The following ACOT7 variants were observed in gnomAD, a reference collection of about 807,000 sequenced individuals.
ACOT7 encodes acyl-CoA thioesterase 7, also known as cytosolic acyl coenzyme A thioester hydrolase.
In ACOT7, 12 loss-of-function variants were observed where a neutral mutation model predicts 40.2. The observed-to-expected ratio is 0.30, with a 90% CI of 0.19 to 0.48. ACOT7 has a LOEUF of 0.48. Among genes scored for constraint, ACOT7 ranks in the 20% least tolerant of loss-of-function variants. The pLI is 0.99. For synonymous variants in ACOT7, 228 were observed against 219.5 expected (o/e 1.04, Z -0.34); for missense variants, 395 against 530.8 (o/e 0.74, Z 2.51).
At chr1:6,345,696 T>C (rs1346869803) in intron 2 of ACOT7, among the ~76,000 whole-genome samples, 2 of 152,202 alleles carry the variant, frequency 1.3e-5, no homozygotes, top group Non-Finnish European at 2.9e-5. Flanking sequence ...CCGGCCGTCT[T>C]CTGGCTGACG....
chr1:6,380,586 CAAA>C (rs58196406), intron 1 of ACOT7, among the ~76,000 whole-genome samples: 6 of 85,324 alleles, frequency 7.0e-5, no homozygotes, highest in Non-Finnish European at 8.1e-5. Context: ...AAGACCGTCT[CAAA>C]AAAAAAAAAA....
At chr1:6,370,293 G>A (rs990210346) in intron 1 of ACOT7, among the ~76,000 whole-genome samples, 1 of 152,028 alleles carries the variant, frequency 6.6e-6, no homozygotes, top group African/African-American at 2.4e-5. Context: ...GCAGAACCAT[G>A]AGCCAAATAA....
intron 7 of ACOT7, among the ~76,000 whole-genome samples, chr1:6,291,650 CAAT>C (rs1639666482): frequency 6.6e-6 from 1 of 152,210 alleles, no homozygotes; most frequent in Admixed American, 6.5e-5. Context: ...GGATAGTCCA[CAAT>C]AATGTGTGCC....
At chr1:6,389,931 G>A (rs1018616265) in intron 1 of ACOT7, among the ~76,000 whole-genome samples, 4 of 152,118 alleles carry the variant, frequency 2.6e-5, no homozygotes, top group African/African-American at 9.7e-5. Flanking sequence ...TTTTCCACAC[G>A]TTTCCCTCCT....
At chr1:6,349,256 A>G (rs926958215) in intron 2 of ACOT7, among the ~76,000 whole-genome samples, 5 of 152,198 alleles carry the variant, frequency 3.3e-5, no homozygotes, top group African/African-American at 1.2e-4. Flanking sequence ...TTGTGGGCAC[A>G]GTGGTACCAG....
At chr1:6,357,298 G>T (rs568435812) in intron 1 of ACOT7, among the ~76,000 whole-genome samples, 6 of 152,220 alleles carry the variant, frequency 3.9e-5, no homozygotes, top group South Asian at 2.1e-4. Flanking sequence ...AGGGTAACCA[G>T]GGGTAGGTGA....
intron 1 of ACOT7, among the ~76,000 whole-genome samples, chr1:6,388,266 C>T (rs1272284434): frequency 6.6e-6 from 1 of 151,976 alleles, no homozygotes; most frequent in Non-Finnish European, 1.5e-5. Flanking sequence ...CACACCGCCA[C>T]GCCCGCCTAA....
intron 1 of ACOT7, among the ~76,000 whole-genome samples, chr1:6,390,882 G>T (rs1022899908): frequency 3.3e-5 from 5 of 152,162 alleles, no homozygotes; most frequent in African/African-American, 1.2e-4. Context: ...GTTGCAGTGA[G>T]CTGAGATCGT....
chr1:6,374,790 CA>C (rs1642195150), intron 1 of ACOT7, among the ~76,000 whole-genome samples: 1 of 152,194 alleles, frequency 6.6e-6, no homozygotes, highest in Admixed American at 6.5e-5. Context: ...TAACCTAGGA[CA>C]AACCCCGGCA....
intron 4 of ACOT7, among the ~76,000 whole-genome samples, chr1:6,331,455 G>C (rs776449266): frequency 6.6e-6 from 1 of 152,256 alleles, no homozygotes; most frequent in Non-Finnish European, 1.5e-5. Flanking sequence ...CTCGCCTGGG[G>C]CCAATGGAGG....
At chr1:6,333,601 C>G in intron 3 of ACOT7, 33 bp from the exon 4 acceptor site, 1 of 1,609,298 alleles carries the variant, frequency 6.2e-7, no homozygotes, top group East Asian at 2.2e-5. Flanking sequence ...AAGTGACGCC[C>G]GGGAGACGGG....
chr1:6,350,289 T>C (rs1264719877), intron 1 of ACOT7, among the ~76,000 whole-genome samples: 1 of 151,020 alleles, frequency 6.6e-6, no homozygotes, highest in Non-Finnish European at 1.5e-5. Flanking sequence ...CCGTCAGGAG[T>C]CCCAGAGAAG....
intron 6 of ACOT7, among the ~76,000 whole-genome samples, chr1:6,310,226 C>T (rs962328898): frequency 1.3e-5 from 2 of 152,152 alleles, no homozygotes; most frequent in African/African-American, 4.8e-5. Context: ...GGTGAGCTCA[C>T]GGGAGAAAAG....
At chr1:6,353,953 C>T (rs552981812) in intron 1 of ACOT7, among the ~76,000 whole-genome samples, 2 of 152,306 alleles carry the variant, frequency 1.3e-5, no homozygotes, top group South Asian at 4.1e-4. Flanking sequence ...CTATCTTCTG[C>T]CTGCCGGGTC....
rs138497994 is a variant in ACOT7 at position 6,313,307 on chromosome 1, A to G, written c.712+5185T>C. Among the ~76,000 whole-genome samples the G allele has an allele frequency of 1.1e-3, 174 of 152,326 alleles. 1 individual carries two copies. Among genetic ancestry groups the G allele is most frequent in the African/African-American group, 3.9e-3 (164 of 41,564 alleles). On this transcript the variant is annotated intron_variant, in intron 6 of 8. Coordinates refer to ENST00000361521, the MANE Select transcript of ACOT7 (RefSeq NM_007274.4). ...CTGAAGGCTGGAATGGGGAGGGAAG[A>G]TCAGGCCAGCAGACAGGCAGAGGTT...
intron 1 of ACOT7, among the ~76,000 whole-genome samples, chr1:6,361,443 G>A (rs552154702): frequency 7.2e-5 from 11 of 152,218 alleles, no homozygotes; most frequent in Admixed American, 2.6e-4. Context: ...TAAGGTTCAC[G>A]CAGAATTGTA....
At chr1:6,318,353 G>A (rs1640553253) in intron 6 of ACOT7, 139 bp downstream of exon 6, 1 of 906,830 alleles carries the variant, frequency 1.1e-6, no homozygotes, top group Non-Finnish European at 1.7e-6. Context: ...ACTGCACCTG[G>A]CCTATTGTAC....
In ACOT7 at chr1:6,358,106, T is replaced by G. The variant is rs1282956040; in HGVS notation, c.144-8240A>C. On this transcript the variant is annotated intron_variant, in intron 1 of 8. Coordinates refer to ENST00000361521, the MANE Select transcript of ACOT7 (RefSeq NM_007274.4). This position sits in a 1 kb window ranked among gnomAD's most constrained non-coding sequence, Gnocchi z 4.1. ...CTGGTCTCAAACTCCTGACCTCAGT[T>G]GATCCACCTGCCTCGGCCTCCCAAA... Among the ~76,000 whole-genome samples the G allele has an allele frequency of 6.6e-5, 10 of 152,058 alleles. No individual in the cohort carries two copies. The South Asian group carries it at 1.0e-3, about 16-fold the overall frequency.
In ACOT7 at chr1:6,333,129, G is replaced by A. The variant is rs145833656; in HGVS notation, c.510+348C>T. Among the ~76,000 whole-genome samples the A allele has an allele frequency of 2.7e-3, 414 of 152,352 alleles. 5 individuals carry two copies. Among genetic ancestry groups the A allele is most frequent in the African/African-American group, 9.6e-3 (398 of 41,580 alleles). ...TCACCGTCTTTTCTCTGGTTAGGGAGTGTGACAAAAAGGTCCCTAGGTTGG... is the reference window on the plus strand; with the variant it reads ...TCACCGTCTTTTCTCTGGTTAGGGAATGTGACAAAAAGGTCCCTAGGTTGG... On this transcript the variant is annotated intron_variant, in intron 4 of 8. Transcript: ENST00000361521.
Sources: gnomAD v4.1 joint callset for allele counts (sites outside exome capture counted in the v4.1 genomes callset) on GRCh38, gnomAD v4.1.1 for gene constraint, Gnocchi (gnomAD v3.1) non-coding constraint, MANE v1.5 for transcripts, NCBI Gene and HGNC (gene_info 2026-07-23, HGNC 2026-07-21) for gene names.